The following PLCB4 variants were observed in gnomAD, a reference collection of about 807,000 sequenced individuals.
The protein encoded by PLCB4 is 1-phosphatidylinositol 4,5-bisphosphate phosphodiesterase beta-4.
A neutral mutation model predicts 178.8 loss-of-function variants in PLCB4; 77 were observed. That is an observed-to-expected ratio of 0.43 (90% CI 0.36 to 0.52). PLCB4 has a LOEUF of 0.52. PLCB4 is among the 20% of genes least tolerant of loss of function. PLCB4 has a pLI of 0.00. For synonymous variants in PLCB4, 496 were observed against 490.8 expected, an observed-to-expected ratio of 1.01 and a Z score of -0.14; for missense variants, 1,024 against 1,453.4, an observed-to-expected ratio of 0.70 and a Z score of 4.80.
Position 9,110,221 on chromosome 20 carries a change from T to TA in PLCB4, c.-79+13884dup, listed in dbSNP as rs1211459932. Among the ~76,000 whole-genome samples, 7 of 151,932 alleles carry TA rather than the reference T, an allele frequency of 4.6e-5. 1 individual carries two copies. Among genetic ancestry groups the TA allele is most frequent in the Admixed American group, 2.0e-4 (3 of 15,244 alleles). On this transcript the variant is annotated intron_variant, in intron 2 of 39. Transcript: ENST00000378473. The stretch of plus-strand genomic sequence containing the variant: ...ATTGTTTTTTTTTTAAAACATATAA[T>TA]AAAAATTAAAGTTGAAGAAGAAATG...
intron 13 of PLCB4, among the ~76,000 whole-genome samples, chr20:9,383,638 T>G (rs540052410): frequency 4.7e-4 from 71 of 152,306 alleles, no homozygotes; most frequent in African/African-American, 1.7e-3. Context: ...TAACCTGACT[T>G]TTAGATAAAA....
chr20:9,192,449 G>A (rs2093416838), intron 2 of PLCB4, among the ~76,000 whole-genome samples: 1 of 152,076 alleles, frequency 6.6e-6, no homozygotes, highest in South Asian at 2.1e-4. Flanking sequence ...GAATTGCACA[G>A]GGTTCTAGAC....
intron 2 of PLCB4, among the ~76,000 whole-genome samples, chr20:9,148,387 A>AT (rs1431113440): frequency 1.3e-5 from 2 of 152,180 alleles, no homozygotes; most frequent in African/African-American, 4.8e-5. Flanking sequence ...AATAGGAAGA[A>AT]TAGAGAGTAG....
intron 4 of PLCB4, among the ~76,000 whole-genome samples, chr20:9,323,848 TGCAATCCA>T (rs2029890884): frequency 6.6e-6 from 1 of 152,198 alleles, no homozygotes; most frequent in South Asian, 2.1e-4. Flanking sequence ...GCTCTGCAGC[TGCAATCCA>T]GCAATGTTCT....
intron 7 of PLCB4, among the ~76,000 whole-genome samples, chr20:9,348,764 A>G (rs1269440221): frequency 1.3e-5 from 2 of 152,246 alleles, no homozygotes; most frequent in Non-Finnish European, 2.9e-5. Context: ...CTTCAGGAAC[A>G]TGCAGCTGAA....
At chr20:9,438,554 A>G (rs927415732) in intron 30 of PLCB4, among the ~76,000 whole-genome samples, 1 of 152,108 alleles carries the variant, frequency 6.6e-6, no homozygotes, top group Non-Finnish European at 1.5e-5. Flanking sequence ...GGTTCTGTAT[A>G]TCACTGAGGA....
intron 2 of PLCB4, among the ~76,000 whole-genome samples, chr20:9,107,382 G>A (rs903874386): frequency 1.8e-4 from 27 of 152,178 alleles, no homozygotes; most frequent in African/African-American, 6.3e-4. Flanking sequence ...AGAAAAGGGG[G>A]AATAGGGAGC....
At position 9,480,780 on chromosome 20, in the gene PLCB4, A is replaced by G. The variant is rs1323713027; in HGVS notation, c.*1771A>G. On this transcript the variant is annotated 3_prime_UTR_variant, in exon 40 of 40. Coordinates refer to ENST00000378473, the MANE Select transcript of PLCB4 (RefSeq NM_001377142.1). ...AACATCTCATGAAAAATTATGGTTA[A>G]TAAAATATCACCACATTTGGATTGC... 1 of 152,150 alleles carries G rather than the reference A, an allele frequency of 6.6e-6. No individual in the cohort carries two copies. The highest frequency in any genetic ancestry group is 1.5e-5 in the Non-Finnish European group (1 of 68,026). The allele number at this position is 152,150 out of a possible 1,614,324, so 9.4% of individuals were successfully genotyped here. A position where few individuals can be genotyped will look rare whatever the true frequency, so the allele number is the denominator to read the frequency against.
chr20:9,369,255 G>A (rs1034131037), intron 9 of PLCB4, among the ~76,000 whole-genome samples: 1 of 152,122 alleles, frequency 6.6e-6, no homozygotes, highest in Non-Finnish European at 1.5e-5. Flanking sequence ...ACCTAACAGA[G>A]GCTTCAGTTA....
At chr20:9,239,137 G>A (rs1369079364) in intron 3 of PLCB4, among the ~76,000 whole-genome samples, 1 of 151,936 alleles carries the variant, frequency 6.6e-6, no homozygotes, top group East Asian at 1.9e-4. Context: ...GCATTTTTCT[G>A]TATCTTATTC....
In PLCB4 at chr20:9,446,847, C is replaced by A. The variant is rs536852229; in HGVS notation, c.2880+2604C>A. Among the ~76,000 whole-genome samples, 9 of 152,332 alleles carry A rather than the reference C, an allele frequency of 5.9e-5. No individual in the cohort carries two copies. The South Asian group carries it at 1.2e-3, about 21-fold the overall frequency. On this transcript the variant is annotated intron_variant, in intron 32 of 39. Coordinates refer to ENST00000378473, the MANE Select transcript of PLCB4 (RefSeq NM_001377142.1). ...AGTGAGCTGAGATTGTGCCACTGCACTCCAGCCTGGGTGACAAGAGCAAGA... is the reference window on the plus strand; with the variant it reads ...AGTGAGCTGAGATTGTGCCACTGCAATCCAGCCTGGGTGACAAGAGCAAGA...
chr20:9,423,559 A>G (rs1228133593), intron 27 of PLCB4, among the ~76,000 whole-genome samples, 189 bp from the exon 28 acceptor site: 2 of 152,218 alleles, frequency 1.3e-5, no homozygotes, highest in African/African-American at 2.4e-5. Context: ...ACATGTTCCA[A>G]TTGCTTTTCT....
At position 9,098,695 on chromosome 20, in the gene PLCB4, A is replaced by G. The variant is rs1420458867; in HGVS notation, c.-79+2353A>G. Reference sequence around the variant, plus strand: ...TGTATATATACATATGTACGTATATATGTACATATATACATATATACGTGT... The same window carrying G: ...TGTATATATACATATGTACGTATATGTGTACATATATACATATATACGTGT... On this transcript the variant is annotated intron_variant, in intron 2 of 39. Transcript: ENST00000378473. Among the ~76,000 whole-genome samples, 5 of 149,872 alleles carry G rather than the reference A, an allele frequency of 3.3e-5. No homozygotes were observed. The South Asian group carries it at 8.4e-4, about 25-fold the overall frequency.
chr20:9,291,070 A>G (rs2094575967), intron 3 of PLCB4, among the ~76,000 whole-genome samples: 1 of 152,170 alleles, frequency 6.6e-6, no homozygotes, highest in African/African-American at 2.4e-5. Context: ...TATATAGCTC[A>G]TATTAATTTA....
chr20:9,294,864 A>G (rs985830198), intron 3 of PLCB4, among the ~76,000 whole-genome samples: 1 of 152,074 alleles, frequency 6.6e-6, no homozygotes, highest in Non-Finnish European at 1.5e-5. Flanking sequence ...CCAATAATCT[A>G]AGGCAAATCC....
intron 3 of PLCB4, among the ~76,000 whole-genome samples, chr20:9,290,397 C>G (rs550095003): frequency 6.6e-6 from 1 of 152,232 alleles, no homozygotes; most frequent in East Asian, 1.9e-4. Flanking sequence ...CATGTGAACT[C>G]TTTGGAATCG....
chr20:9,240,543 G>A (rs2094047708), intron 3 of PLCB4, among the ~76,000 whole-genome samples: 2 of 151,970 alleles, frequency 1.3e-5, no homozygotes, highest in Non-Finnish European at 2.9e-5. Flanking sequence ...AACTATTATT[G>A]TGTTATTGTG....
chr20:9,406,025 G>A (rs571829448), intron 21 of PLCB4, among the ~76,000 whole-genome samples: 12 of 152,152 alleles, frequency 7.9e-5, no homozygotes, highest in Non-Finnish European at 1.5e-4. Context: ...AATAAATATG[G>A]TCGCAGGCCT....
At chr20:9,337,901 G>A in intron 5 of PLCB4, 107 bp from the exon 6 acceptor site, 1 of 702,182 alleles carries the variant, frequency 1.4e-6, no homozygotes, top group Non-Finnish European at 2.6e-6. Context: ...CAAGCTGACT[G>A]TAATCAGCAC....
Sources: allele counts gnomAD v4.1 joint callset (sites outside exome capture counted in the v4.1 genomes callset), GRCh38; gene constraint gnomAD v4.1.1; transcripts MANE v1.5; gene names NCBI Gene and HGNC (gene_info 2026-07-23, HGNC 2026-07-21).